Variants in ACYP2 observed in about 807,000 individuals in gnomAD.
ACYP2 encodes acylphosphatase 2.
Under a neutral mutation model 11.2 loss-of-function variants are expected in ACYP2, and 12 were observed. The observed-to-expected ratio is 1.08, with a 90% CI of 0.69 to 1.74. The LOEUF (loss-of-function observed/expected upper bound fraction) is 1.74. Among genes scored for constraint, ACYP2 ranks in the 40% most tolerant of loss-of-function variants. The pLI is 0.00. For missense variants in ACYP2, 134 were observed against 101.9 expected (o/e 1.31, Z -1.35); for synonymous variants, 43 against 32.2 (o/e 1.33, Z -1.13).
At chr2:54,090,577 G>C (rs568527892) in intron 4 of ACYP2, among the ~76,000 whole-genome samples, 1 of 152,322 alleles carries the variant, frequency 6.6e-6, no homozygotes, top group South Asian at 2.1e-4. Flanking sequence ...TTTGCAGTGA[G>C]CCAAGATTGC....
chr2:54,245,482 C>G (rs746176729), intron 6 of ACYP2, among the ~76,000 whole-genome samples: 1 of 151,976 alleles, frequency 6.6e-6, no homozygotes, highest in Non-Finnish European at 1.5e-5. Context: ...TGTTGGTTTA[C>G]ATTCCCACCA....
intron 4 of ACYP2, among the ~76,000 whole-genome samples, chr2:54,078,374 A>G (rs1677455615): frequency 6.7e-6 from 1 of 150,024 alleles, no homozygotes; most frequent in African/African-American, 2.5e-5. Flanking sequence ...AATAGCTTCC[A>G]TATATACATA....
chr2:54,219,881 G>GTGTGTGTATATA (rs1222539416), intron 6 of ACYP2, among the ~76,000 whole-genome samples: 17 of 99,470 alleles, frequency 1.7e-4, no homozygotes, highest in African/African-American at 2.7e-4. Context: ...GTGTGTGTGT[G>GTGTGTGTATATA]TATATATATA....
chr2:54,057,558 G>A (rs1014688331), intron 4 of ACYP2, among the ~76,000 whole-genome samples: 1 of 152,148 alleles, frequency 6.6e-6, no homozygotes, highest in East Asian at 1.9e-4. Context: ...GTTTTTTACA[G>A]TCATGTAAGC....
intron 4 of ACYP2, among the ~76,000 whole-genome samples, chr2:54,059,980 C>T (rs1676379383): frequency 6.6e-6 from 1 of 152,194 alleles, no homozygotes; most frequent in African/African-American, 2.4e-5. Flanking sequence ...AGTCCTCTAG[C>T]AATTCCAAGT....
intron 2 of ACYP2, among the ~76,000 whole-genome samples, chr2:54,004,403 CCT>C (rs1672949541): frequency 2.9e-5 from 4 of 138,754 alleles, no homozygotes; most frequent in African/African-American, 8.3e-5. Context: ...GGTAGTTTAG[CCT>C]TTTTTTTTTT....
At chr2:54,066,680 A>C (rs1260778289) in intron 4 of ACYP2, among the ~76,000 whole-genome samples, 3 of 152,208 alleles carry the variant, frequency 2.0e-5, no homozygotes, top group African/African-American at 7.2e-5. Flanking sequence ...AATTGAAGAC[A>C]TCTCTATTTA....
At chr2:54,159,539 C>T (rs556373757) in intron 6 of ACYP2, among the ~76,000 whole-genome samples, 1 of 152,140 alleles carries the variant, frequency 6.6e-6, no homozygotes, top group East Asian at 1.9e-4. Context: ...AGTATTTTAT[C>T]ATGATAATGT....
chr2:54,256,643 T>G (rs2104028555), intron 6 of ACYP2, among the ~76,000 whole-genome samples: 1 of 152,294 alleles, frequency 6.6e-6, no homozygotes, highest in African/African-American at 2.4e-5. Context: ...TCCCACTCTG[T>G]GGGGTTACTT....
chr2:54,153,938 C>T (rs1212196054), intron 6 of ACYP2, among the ~76,000 whole-genome samples: 4 of 152,086 alleles, frequency 2.6e-5, no homozygotes. Context: ...TCTTCCAATC[C>T]ATGAACGTGG....
chr2:54,211,578 G>A (rs2103931493), intron 6 of ACYP2, among the ~76,000 whole-genome samples: 1 of 152,236 alleles, frequency 6.6e-6, no homozygotes, highest in East Asian at 1.9e-4. Context: ...GGTTAGTGTT[G>A]TCAGTTCTAT....
At chr2:54,074,792 T>C (rs1436434382) in intron 4 of ACYP2, among the ~76,000 whole-genome samples, 1 of 152,188 alleles carries the variant, frequency 6.6e-6, no homozygotes, top group Non-Finnish European at 1.5e-5. Context: ...ATGTTGCACT[T>C]GCGGTCTAAA....
At chr2:54,126,505 C>G (rs1313537174) in intron 4 of ACYP2, among the ~76,000 whole-genome samples, 2 of 147,818 alleles carry the variant, frequency 1.4e-5, no homozygotes, top group Non-Finnish European at 3.0e-5. Flanking sequence ...AAAAGGACAT[C>G]TCTTCATTCA....
chr2:54,013,827 C>G (rs1673530651), intron 2 of ACYP2, among the ~76,000 whole-genome samples: 2 of 151,726 alleles, frequency 1.3e-5, no homozygotes, highest in Admixed American at 6.6e-5. Context: ...ACTGGGAACA[C>G]TGGATAACAA....
intron 6 of ACYP2, among the ~76,000 whole-genome samples, chr2:54,200,613 C>T (rs1157370692): frequency 2.0e-5 from 3 of 152,014 alleles, no homozygotes; most frequent in Non-Finnish European, 2.9e-5. Flanking sequence ...ATTTTATGGC[C>T]GAATAACATG....
At chr2:54,136,356 C>G (rs976257706) in intron 5 of ACYP2, among the ~76,000 whole-genome samples, 13 of 152,116 alleles carry the variant, frequency 8.5e-5, no homozygotes, top group African/African-American at 3.1e-4. Flanking sequence ...TTTTAAAGTA[C>G]TCCTTTCCTA....
chr2:54,137,056 A>G (rs112224255), intron 5 of ACYP2, among the ~76,000 whole-genome samples: 67 of 152,280 alleles, frequency 4.4e-4, no homozygotes, highest in African/African-American at 1.4e-3. Flanking sequence ...CAAAATCAAA[A>G]TGTTGCTACT....
chr2:54,245,018 C>G (rs901089364), intron 6 of ACYP2, among the ~76,000 whole-genome samples: 2 of 152,142 alleles, frequency 1.3e-5, no homozygotes, highest in African/African-American at 4.8e-5. Context: ...TTTAACGTAT[C>G]TCACCATCTT....
At chr2:54,121,733 G>A (rs895490053) in intron 4 of ACYP2, among the ~76,000 whole-genome samples, 3 of 152,154 alleles carry the variant, frequency 2.0e-5, no homozygotes, top group African/African-American at 7.2e-5. Flanking sequence ...ATTTATAGTA[G>A]TTATACTTTG....
Sources: gnomAD v4.1 joint callset for allele counts (sites outside exome capture counted in the v4.1 genomes callset) on GRCh38, gnomAD v4.1.1 for gene constraint, MANE v1.5 for transcripts, NCBI Gene and HGNC (gene_info 2026-07-23, HGNC 2026-07-21) for gene names.